The following CNTNAP2 variants were observed in gnomAD, a reference collection of about 807,000 sequenced individuals.
The protein encoded by CNTNAP2 is contactin-associated protein-like 2.
Under a neutral mutation model 155.2 loss-of-function variants are expected in CNTNAP2, and 98 were observed. The ratio of observed to expected loss-of-function variants is 0.63; its 90% CI spans 0.54 to 0.75. The LOEUF (loss-of-function observed/expected upper bound fraction) is 0.75. Among genes scored for constraint, CNTNAP2 ranks in the 30% least tolerant of loss-of-function variants. The pLI, the probability that CNTNAP2 is intolerant of heterozygous loss-of-function variation, is 0.00. For synonymous variants in CNTNAP2, 651 were observed against 631.2 expected (o/e 1.03, Z -0.47); for missense variants, 1,727 against 1,688.1 (o/e 1.02, Z -0.40).
At chr7:147,748,633 C>CT (rs556563095) in intron 13 of CNTNAP2, among the ~76,000 whole-genome samples, 49 of 152,306 alleles carry the variant, frequency 3.2e-4, no homozygotes, top group African/African-American at 1.2e-3. Flanking sequence ...TCTTTCTTGT[C>CT]TTTATGCTAC....
At chr7:147,800,450 A>C (rs1277559957) in intron 13 of CNTNAP2, among the ~76,000 whole-genome samples, 1 of 151,994 alleles carries the variant, frequency 6.6e-6, no homozygotes, top group Non-Finnish European at 1.5e-5. Flanking sequence ...ATAGAAAAGC[A>C]TTTTAAGCAA....
intron 1 of CNTNAP2, among the ~76,000 whole-genome samples, chr7:146,512,539 G>T (rs1797482762): frequency 6.8e-6 from 1 of 146,770 alleles, no homozygotes; most frequent in Non-Finnish European, 1.5e-5. Flanking sequence ...CTTTTTCATT[G>T]GCCCATTGGT....
At chr7:146,824,501 C>A (rs116703454) in intron 2 of CNTNAP2, among the ~76,000 whole-genome samples, 1,959 of 152,250 alleles carry the variant, frequency 0.013, 46 homozygotes, top group African/African-American at 0.044. Flanking sequence ...TTCACTCCTA[C>A]CAACAGTGTG....
At chr7:146,434,819 T>TG (rs1311765605) in intron 1 of CNTNAP2, among the ~76,000 whole-genome samples, 2 of 151,106 alleles carry the variant, frequency 1.3e-5, no homozygotes, top group African/African-American at 4.9e-5. Context: ...ACTTAATTCC[T>TG]GGGGAAAAAA....
At chr7:146,721,782 T>C in intron 1 of CNTNAP2, among the ~76,000 whole-genome samples, 1 of 128,908 alleles carries the variant, frequency 7.8e-6, no homozygotes, top group East Asian at 2.1e-4. Flanking sequence ...ATATTCTATA[T>C]ATAGTCTACA....
At chr7:146,686,720 A>G (rs942684242) in intron 1 of CNTNAP2, among the ~76,000 whole-genome samples, 1 of 152,204 alleles carries the variant, frequency 6.6e-6, no homozygotes, top group Non-Finnish European at 1.5e-5. Context: ...TCTTAGAAAG[A>G]CTGTCTAGTC....
intron 13 of CNTNAP2, among the ~76,000 whole-genome samples, chr7:147,820,913 T>C (rs1242770906): frequency 6.6e-6 from 1 of 152,160 alleles, no homozygotes; most frequent in Non-Finnish European, 1.5e-5. Context: ...ATTTCTGAGT[T>C]TTATGGTAAG....
chr7:146,829,617 G>C (rs905229369), intron 2 of CNTNAP2, among the ~76,000 whole-genome samples: 1 of 151,950 alleles, frequency 6.6e-6, no homozygotes, highest in Non-Finnish European at 1.5e-5. Context: ...ATATGAGTTA[G>C]AGCTGAATAA....
chr7:147,718,052 T>G (rs536781238), intron 13 of CNTNAP2, among the ~76,000 whole-genome samples: 56 of 152,230 alleles, frequency 3.7e-4, no homozygotes, highest in Non-Finnish European at 1.8e-4. Flanking sequence ...AAGGATAAAT[T>G]CATAGTCATC....
intron 21 of CNTNAP2, among the ~76,000 whole-genome samples, chr7:148,304,776 A>T (rs1404055360): frequency 6.6e-6 from 1 of 152,122 alleles, no homozygotes; most frequent in African/African-American, 2.4e-5. Flanking sequence ...AGGCTCTTTC[A>T]CAGCCAACAA....
At chr7:148,047,743 A>G (rs956860317) in intron 15 of CNTNAP2, among the ~76,000 whole-genome samples, 3 of 152,248 alleles carry the variant, frequency 2.0e-5, no homozygotes, top group African/African-American at 7.2e-5. Flanking sequence ...CACTGCAAGT[A>G]TAGATTTGGG....
At chr7:147,083,286 T>C (rs1800177672) in intron 4 of CNTNAP2, 1 of 152,048 alleles carries the variant, frequency 6.6e-6, no homozygotes, top group Non-Finnish European at 1.5e-5. Context: ...CGGCAAACAC[T>C]GTCTGCTACA....
intron 2 of CNTNAP2, among the ~76,000 whole-genome samples, chr7:146,822,874 CATTCTTCA>C (rs1380847001): frequency 3.4e-5 from 5 of 149,110 alleles, no homozygotes; most frequent in African/African-American, 1.2e-4. Flanking sequence ...TAAATATACT[CATTCTTCA>C]GCATATTTAC....
intron 1 of CNTNAP2, among the ~76,000 whole-genome samples, chr7:146,749,471 G>A (rs1801866538): frequency 6.6e-6 from 1 of 152,084 alleles, no homozygotes; most frequent in African/African-American, 2.4e-5. Flanking sequence ...TTGTGTGTAT[G>A]TTTTATCTTT....
rs568081209 is a variant in CNTNAP2 at position 147,608,717 on chromosome 7, G to C, written c.1898-30389G>C. On this transcript the variant is annotated intron_variant, in intron 12 of 23. Transcript: ENST00000361727. ...AGGAGTATTATCAGCACTGTCACGCGTGTCTGTGTGAAGAGACCACCAAAC... is the reference window on the plus strand; with the variant it reads ...AGGAGTATTATCAGCACTGTCACGCCTGTCTGTGTGAAGAGACCACCAAAC... Among the ~76,000 whole-genome samples, 145 of 152,324 alleles carry C rather than the reference G, an allele frequency of 9.5e-4. 1 individual carries two copies. The highest frequency in any genetic ancestry group is 3.2e-3 in the African/African-American group (133 of 41,576).
intron 21 of CNTNAP2, among the ~76,000 whole-genome samples, chr7:148,348,636 GCT>G (rs1798366550): frequency 2.0e-5 from 3 of 152,148 alleles, no homozygotes; most frequent in African/African-American, 7.2e-5. Flanking sequence ...GGCCAAAGCG[GCT>G]CAGGCACACG....
rs1231480371 is a variant in CNTNAP2 at position 146,365,097 on chromosome 7, G to T, written c.97+248124G>T. Among the ~76,000 whole-genome samples the T allele has an allele frequency of 2.6e-5, 4 of 152,072 alleles. No homozygotes were observed. The East Asian group carries it at 7.7e-4, about 29-fold the overall frequency. On this transcript the variant is annotated intron_variant, in intron 1 of 23. Coordinates refer to ENST00000361727, the MANE Select transcript of CNTNAP2 (RefSeq NM_014141.6). ...ACTTTCACTCTAATTATGTAAATGT[G>T]GTATCTTGCAGAATTTTTGTTTGTT...
intron 1 of CNTNAP2, among the ~76,000 whole-genome samples, chr7:146,257,314 G>T (rs1799854661): frequency 6.6e-6 from 1 of 152,146 alleles, no homozygotes; most frequent in Non-Finnish European, 1.5e-5. Context: ...AGTGGTATAG[G>T]AAGAAAGATG....
intron 1 of CNTNAP2, among the ~76,000 whole-genome samples, chr7:146,275,979 T>C (rs1177735247): frequency 1.3e-5 from 2 of 152,180 alleles, no homozygotes; most frequent in African/African-American, 2.4e-5. Context: ...CCGTGGATAC[T>C]ACCAAATATC....
Sources: gnomAD v4.1 joint callset for allele counts (sites outside exome capture counted in the v4.1 genomes callset) on GRCh38, gnomAD v4.1.1 for gene constraint, MANE v1.5 for transcripts, NCBI Gene and HGNC (gene_info 2026-07-23, HGNC 2026-07-21) for gene names.